Variants in KIAA0319 observed in about 807,000 individuals in gnomAD.
The protein encoded by KIAA0319 is dyslexia-associated protein KIAA0319.
Under a neutral mutation model 108.4 loss-of-function variants are expected in KIAA0319, and 83 were observed. That is an observed-to-expected ratio of 0.77 (90% CI 0.64 to 0.92). The LOEUF (loss-of-function observed/expected upper bound fraction) is 0.92, where lower values mean the gene tolerates loss of function less well. KIAA0319 is among the 40% of genes least tolerant of loss of function. The pLI, the probability that KIAA0319 is intolerant of heterozygous loss-of-function variation, is 0.00. For synonymous variants in KIAA0319, 484 were observed against 510.4 expected, an observed-to-expected ratio of 0.95 and a Z score of 0.70; for missense variants, 1,195 against 1,322.4, an observed-to-expected ratio of 0.90 and a Z score of 1.49.
chr6:24,604,149 C>T (rs1376881297), intron 1 of KIAA0319, among the ~76,000 whole-genome samples: 1 of 152,232 alleles, frequency 6.6e-6, no homozygotes, highest in Non-Finnish European at 1.5e-5. Flanking sequence ...CATTTCATAA[C>T]ATTCATGCCT....
intron 13 of KIAA0319, among the ~76,000 whole-genome samples, chr6:24,568,015 C>T (rs1047368798): frequency 6.6e-6 from 1 of 152,176 alleles, no homozygotes; most frequent in Non-Finnish European, 1.5e-5. Flanking sequence ...ATCTATATCA[C>T]TTTGCTGTTA....
At position 24,554,548 on chromosome 6, in the gene KIAA0319, A is replaced by C; in HGVS notation, c.2941T>G (p.Cys981Gly). Reference sequence around the variant, plus strand: ...AATAAGCACTCTAGGTACCTTTTGCAGCAGCAGATGCAAAGCCAAGTGAAA... The same window carrying C: ...AATAAGCACTCTAGGTACCTTTTGCCGCAGCAGATGCAAAGCCAAGTGAAA... ...GGFTWLCICCCKRQKRTKIRK... is the reference protein window; with the variant it reads ...GGFTWLCICCGKRQKRTKIRK... The change falls in exon 19 of 21, where the codon TGC becomes GGC. Residue 981 changes from cysteine (C) to glycine (G), a missense_variant. Transcript: ENST00000378214. 1 of 1,612,352 alleles carries C rather than the reference A, an allele frequency of 6.2e-7. No homozygotes were observed. The highest frequency in any genetic ancestry group is 8.5e-7 in the Non-Finnish European group (1 of 1,178,440).
Position 24,547,310 on chromosome 6 carries a change from C to G in KIAA0319, c.3074G>C (p.Ser1025Thr), listed in dbSNP as rs369585660. The G allele has an allele frequency of 1.2e-6, 2 of 1,614,044 alleles. No homozygotes were observed. Among genetic ancestry groups the G allele is most frequent in the African/African-American group, 2.7e-5 (2 of 74,936 alleles). The change falls in exon 21 of 21, where the codon AGC (serine) becomes ACC (threonine). Residue 1025 changes from serine (S) to threonine (T), a missense_variant. Transcript: ENST00000378214. The part of the protein sequence containing the change: ...IKHRSTEHNS[S>T]LMVSESEFDS... ...AAACTCAGACTCGGATACCATCAGG[C>G]TGGAGTTGTGCTCTGTGCTTCGGTG...
At chr6:24,597,185 A>G (rs1421198552) in intron 2 of KIAA0319, among the ~76,000 whole-genome samples, 1 of 152,234 alleles carries the variant, frequency 6.6e-6, no homozygotes, top group Non-Finnish European at 1.5e-5. Flanking sequence ...TATTTATAAT[A>G]CTTTGTTCCT....
In KIAA0319 at chr6:24,559,088, G is replaced by C; in HGVS notation, c.2659C>G (p.Arg887Gly). The part of the protein sequence containing the change: ...FKVLKAAEVA[R>G]NLHMRLSKEK... Reference sequence around the variant, plus strand: ...TTTGAGAGCCGCATGTGCAGATTTCGGGCCACTTCAGCAGCTTTGAGAACC... The same window carrying C: ...TTTGAGAGCCGCATGTGCAGATTTCCGGCCACTTCAGCAGCTTTGAGAACC... The change falls in exon 17 of 21, where the codon CGA becomes GGA. Residue 887 changes from arginine (R) to glycine (G), a missense_variant. Coordinates refer to ENST00000378214, the MANE Select transcript of KIAA0319 (RefSeq NM_014809.4). 6.2e-7 allele frequency: 1 copy of C among 1,613,704 alleles called. No individual in the cohort carries two copies. The highest frequency in any genetic ancestry group is 2.2e-5 in the East Asian group (1 of 44,868).
rs540233329 is a variant in KIAA0319, at chr6:24,624,612, G to A, written c.-106+21124C>T. ...TAGAAGATAATTGGAAGAACCTTGT[G>A]CTGGGACCTTGACACTCAGAATTCA... On this transcript the variant is annotated intron_variant, in intron 1 of 20. Transcript: ENST00000378214. Among the ~76,000 whole-genome samples, 15 of 152,274 alleles carry A rather than the reference G, an allele frequency of 9.9e-5. No individual in the cohort carries two copies. The South Asian group carries it at 3.1e-3, about 32-fold the overall frequency.
chr6:24,632,365 G>C (rs1372241708), intron 1 of KIAA0319, among the ~76,000 whole-genome samples: 1 of 148,474 alleles, frequency 6.7e-6, no homozygotes, highest in East Asian at 2.0e-4. Context: ...AGCTGAATCG[G>C]TTGAAGCTCT....
Position 24,635,766 on chromosome 6 carries a change from C to A in KIAA0319, c.-106+9970G>T, listed in dbSNP as rs145917964. 1.9e-3 allele frequency among the ~76,000 whole-genome samples: 294 copies of A among 152,302 alleles called. 1 individual carries two copies. Among genetic ancestry groups the A allele is most frequent in the African/African-American group, 6.8e-3 (281 of 41,550 alleles). On this transcript the variant is annotated intron_variant, in intron 1 of 20. Coordinates refer to ENST00000378214, the MANE Select transcript of KIAA0319 (RefSeq NM_014809.4). ...CTTGGACACAGATTCCTCCCCAGAG[C>A]CTCCAGAGGAGACTGCTTTCAACTG... is the stretch of plus-strand genomic sequence containing the variant.
chr6:24,598,560 C>T, intron 2 of KIAA0319: 1 of 425,542 alleles, frequency 2.3e-6, no homozygotes, highest in Non-Finnish European at 4.6e-6. Context: ...ACTTCAAGAA[C>T]AAGTACAAGG....
intron 19 of KIAA0319, among the ~76,000 whole-genome samples, chr6:24,553,745 C>G (rs1761911272): frequency 6.6e-6 from 1 of 152,192 alleles, no homozygotes; most frequent in African/African-American, 2.4e-5. Context: ...TTTTCTATAA[C>G]TATCCAATGA....
At chr6:24,635,053 T>C (rs1462395017) in intron 1 of KIAA0319, among the ~76,000 whole-genome samples, 1 of 152,196 alleles carries the variant, frequency 6.6e-6, no homozygotes, top group South Asian at 2.1e-4. Flanking sequence ...TTTAATTTTT[T>C]ATCTGTAGCT....
intron 16 of KIAA0319, among the ~76,000 whole-genome samples, chr6:24,560,302 C>T (rs557629305): frequency 1.3e-5 from 2 of 152,262 alleles, no homozygotes; most frequent in East Asian, 3.9e-4. Flanking sequence ...AGTGGCTGTA[C>T]CATTTTACAT....
chr6:24,581,009 G>C lies in KIAA0319; in HGVS notation c.1196C>G (p.Ser399Cys), dbSNP rs763185427. ...GACTTTGAAGACATAAAGTCCGACG[G>C]ACAACTGTAACATAAAGAAAAGTTG... ...HKQTLNLSQL[S>C]VGLYVFKVTV... The change falls in exon 7 of 21, where the codon TCC becomes TGC. Residue 399 changes from serine (S) to cysteine (C), a missense_variant. Coordinates refer to ENST00000378214, the MANE Select transcript of KIAA0319 (RefSeq NM_014809.4). The C allele has an allele frequency of 6.2e-7, 1 of 1,604,056 alleles. No individual in the cohort carries two copies. Among genetic ancestry groups the C allele is most frequent in the Non-Finnish European group, 8.5e-7 (1 of 1,171,298 alleles).
At chr6:24,602,617 G>A (rs909447957) in intron 1 of KIAA0319, among the ~76,000 whole-genome samples, 3 of 152,102 alleles carry the variant, frequency 2.0e-5, no homozygotes, top group Non-Finnish European at 2.9e-5. Flanking sequence ...TGGCTAACAC[G>A]GTGAAACCCC....
intron 15 of KIAA0319, 92 bp downstream of exon 15, chr6:24,564,110 G>A (rs1333929514): frequency 1.1e-5 from 16 of 1,500,812 alleles, no homozygotes; most frequent in Non-Finnish European, 1.5e-5. Flanking sequence ...GCCACAGGAG[G>A]CCTCCCACAC....
intron 1 of KIAA0319, among the ~76,000 whole-genome samples, chr6:24,609,976 A>G (rs1772058338): frequency 6.6e-6 from 1 of 152,222 alleles, no homozygotes; most frequent in Non-Finnish European, 1.5e-5. Context: ...CCAAAACTAC[A>G]AAACTATTAG....
rs1448994425 is a variant in KIAA0319, at chr6:24,595,920, T to C, written c.754A>G (p.Lys252Glu). The change falls in exon 3 of 21, where the codon AAG becomes GAG. Residue 252 changes from lysine to glutamate, a missense_variant. Lys to Glu is a moderately conservative substitution (Grantham distance 56). Transcript: ENST00000378214. ...GATTGTTCCTGGAGCTGAGAAGCCT[T>C]TTCTTTCTCCAACACCTCTCCTGAA... ...PSSGEVLEKE[K>E]ASQLQEQSSN... 1 of 1,613,166 alleles carries C rather than the reference T, an allele frequency of 6.2e-7. No individual in the cohort carries two copies. The highest frequency in any genetic ancestry group is 1.3e-5 in the African/African-American group (1 of 74,872).
At chr6:24,607,147 G>C (rs1407684497) in intron 1 of KIAA0319, among the ~76,000 whole-genome samples, 3 of 152,228 alleles carry the variant, frequency 2.0e-5, no homozygotes, top group Non-Finnish European at 2.9e-5. Flanking sequence ...CCTGAGGTCA[G>C]GAATTTGAGA....
intron 11 of KIAA0319, 88 bp downstream of exon 11, chr6:24,572,487 C>A (rs1417539810): frequency 2.2e-5 from 32 of 1,474,144 alleles, no homozygotes; most frequent in Non-Finnish European, 2.8e-5. Flanking sequence ...AGGCCGGTAC[C>A]ACCAAGTGTG....
Sources: gnomAD v4.1 joint callset for allele counts (sites outside exome capture counted in the v4.1 genomes callset) on GRCh38, gnomAD v4.1.1 for gene constraint, MANE v1.5 for transcripts, NCBI Gene and HGNC (gene_info 2026-07-23, HGNC 2026-07-21) for gene names.